UBA2: variants seen among roughly 807,000 people sequenced by gnomAD.
The protein encoded by UBA2 is ubiquitin like modifier activating enzyme 2.
UBA2 carries 11 observed loss-of-function variants against 77.2 expected under a neutral mutation model. The observed-to-expected ratio is 0.14, with a 90% CI of 0.09 to 0.24. The LOEUF (loss-of-function observed/expected upper bound fraction) is 0.24. Among genes scored for constraint, UBA2 ranks in the 10% least tolerant of loss-of-function variants. UBA2 has a pLI of 1.00. For missense variants in UBA2, 487 were observed against 781.7 expected, an observed-to-expected ratio of 0.62 and a Z score of 4.50; for synonymous variants, 278 against 276.7, an observed-to-expected ratio of 1.00 and a Z score of -0.05.
rs1555730537 is a variant in UBA2, at chr19:34,456,104, T to TC, written c.1245+1548_1245+1549insC. Among the ~76,000 whole-genome samples the TC allele has an allele frequency of 3.9e-3, 158 of 40,656 alleles. 5 individuals carry two copies. Among genetic ancestry groups the TC allele is most frequent in the African/African-American group, 9.2e-3 (144 of 15,642 alleles). 26.7% of individuals were successfully genotyped at this position (40,656 alleles called of 152,430 possible). ...ATGCGCTCTTTTTTTCCTTTTCTTT[T>TC]TCTTTTTTTTTTTTTTTTTTGAGGT... On this transcript the variant is annotated intron_variant, in intron 12 of 16. Coordinates refer to ENST00000246548, the MANE Select transcript of UBA2 (RefSeq NM_005499.3).
chr19:34,456,941 T>C (rs1005334570), intron 12 of UBA2, among the ~76,000 whole-genome samples: 1 of 151,730 alleles, frequency 6.6e-6, no homozygotes, highest in East Asian at 1.9e-4. Flanking sequence ...CCAACAGTAC[T>C]AATTACTGAA....
intron 13 of UBA2, among the ~76,000 whole-genome samples, chr19:34,459,369 T>C (rs62123398): frequency 0.15 from 23,365 of 152,214 alleles, 2,197 homozygotes; most frequent in Non-Finnish European, 0.21. Context: ...TATAAGTAAC[T>C]TGCAGAGTTT....
At chr19:34,432,583 G>A (rs898056488) in intron 3 of UBA2, among the ~76,000 whole-genome samples, 2 of 152,016 alleles carry the variant, frequency 1.3e-5, no homozygotes, top group African/African-American at 4.8e-5. Flanking sequence ...GTGAGATAGG[G>A]TTTTGCGCTT....
At chr19:34,453,066 A>G (rs2075519347) in intron 10 of UBA2, among the ~76,000 whole-genome samples, 1 of 152,188 alleles carries the variant, frequency 6.6e-6, no homozygotes, top group Non-Finnish European at 1.5e-5. Flanking sequence ...TCCACATGTA[A>G]TGGGTGTGAT....
At chr19:34,438,847 G>C in intron 6 of UBA2, 81 bp downstream of exon 6, 1 of 1,531,274 alleles carries the variant, frequency 6.5e-7, no homozygotes, top group Admixed American at 1.9e-5. Context: ...ACCTTGAAGA[G>C]ATTGAACTCA....
chr19:34,438,520 T>C, intron 5 of UBA2, 125 bp from the exon 6 acceptor site: 5 of 1,209,262 alleles, frequency 4.1e-6, no homozygotes, highest in Non-Finnish European at 5.8e-6. Context: ...GTCACTAATA[T>C]TTTAAAATTT....
At position 34,431,944 on chromosome 19, in the gene UBA2, G is replaced by A. The variant is rs755869466; in HGVS notation, c.293+13G>A. The A allele has an allele frequency of 3.3e-6, 5 of 1,537,760 alleles. No individual in the cohort carries two copies. In the African/African-American group the frequency reaches 9.6e-5, roughly 29 times the overall value. On this transcript the variant is annotated intron_variant, in intron 3 of 16. Coordinates refer to ENST00000246548, the MANE Select transcript of UBA2 (RefSeq NM_005499.3). ...ACAGCATCATGAAGTATGCTATAGT[G>A]ATTACATTGCAAAGTTGTATAAGGG...
chr19:34,458,740 G>A (rs765118876), intron 12 of UBA2, 29 bp from the exon 13 acceptor site: 27 of 1,594,330 alleles, frequency 1.7e-5, no homozygotes, highest in Middle Eastern at 1.7e-4. Context: ...GCACGTTTCC[G>A]ATTTCTGCCT....
At chr19:34,433,126 T>A in intron 3 of UBA2, 1 of 461,914 alleles carries the variant, frequency 2.2e-6, no homozygotes, top group South Asian at 3.1e-5. Context: ...GATCTTTCTC[T>A]TGTGCCCTAG....
intron 10 of UBA2, among the ~76,000 whole-genome samples, chr19:34,452,404 C>T (rs764958220): frequency 7.9e-5 from 12 of 152,054 alleles, no homozygotes; most frequent in Non-Finnish European, 1.8e-4. Context: ...AGAAAAATAA[C>T]GTGAATATAT....
intron 8 of UBA2, among the ~76,000 whole-genome samples, chr19:34,449,388 T>C (rs2075468129): frequency 6.6e-6 from 1 of 151,718 alleles, no homozygotes. Flanking sequence ...CTCAAGGCTT[T>C]GTGATATTCA....
intron 12 of UBA2, 188 bp from the exon 13 acceptor site, chr19:34,458,581 A>C (rs2075597202): frequency 2.7e-6 from 1 of 373,528 alleles, no homozygotes; most frequent in African/African-American, 2.2e-5. Flanking sequence ...AAAAAAAAAA[A>C]AAAAAAAAAA....
chr19:34,461,885 A>G (rs975836388), intron 14 of UBA2, among the ~76,000 whole-genome samples: 1 of 152,172 alleles, frequency 6.6e-6, no homozygotes, highest in Non-Finnish European at 1.5e-5. Flanking sequence ...AGGGGGAGTA[A>G]TAGGAGAGGG....
chr19:34,447,339 T>C (rs112929874), intron 8 of UBA2, among the ~76,000 whole-genome samples: 2 of 152,254 alleles, frequency 1.3e-5, no homozygotes, highest in African/African-American at 4.8e-5. Flanking sequence ...GGCAACACCC[T>C]CACACACACA....
intron 12 of UBA2, among the ~76,000 whole-genome samples, chr19:34,457,057 G>A (rs115482441): frequency 0.01 from 1,519 of 149,354 alleles, 27 homozygotes; most frequent in African/African-American, 0.035. Flanking sequence ...GGCCGGGCAC[G>A]ATGGCTCACA....
At chr19:34,445,205 G>C (rs1334145864) in intron 8 of UBA2, 84 bp downstream of exon 8, 2 of 1,400,664 alleles carry the variant, frequency 1.4e-6, no homozygotes, top group Non-Finnish European at 9.7e-7. Context: ...TTTTAAAATA[G>C]TCCATAAAAT....
In UBA2 at chr19:34,434,985, T is replaced by G; in HGVS notation, c.459+17T>G. 1 of 1,504,962 alleles carries G rather than the reference T, an allele frequency of 6.6e-7. No individual in the cohort carries two copies. The highest frequency in any genetic ancestry group is 1.4e-5 in the African/African-American group (1 of 71,806). The allele number at this position is 1,504,962 out of a possible 1,614,324, so 93.2% of individuals were successfully genotyped here. A position where few individuals can be genotyped will look rare whatever the true frequency, so the allele number is the denominator to read the frequency against. On this transcript the variant is annotated intron_variant, in intron 5 of 16. Coordinates refer to ENST00000246548, the MANE Select transcript of UBA2 (RefSeq NM_005499.3). ...ATCAAAAAGGTAAAGAAAAGTTTTA[T>G]TTTTTTAACTTCCCAAATATTTATT...
chr19:34,437,719 G>A (rs927622950), intron 5 of UBA2, among the ~76,000 whole-genome samples: 6 of 152,056 alleles, frequency 3.9e-5, no homozygotes, highest in African/African-American at 1.4e-4. Flanking sequence ...CTTCTTCCAA[G>A]GCATAAATTC....
intron 12 of UBA2, among the ~76,000 whole-genome samples, chr19:34,457,822 T>A (rs2075585049): frequency 6.6e-6 from 1 of 152,264 alleles, no homozygotes; most frequent in African/African-American, 2.4e-5. Context: ...TAAACTTTAG[T>A]AGAAGCAGGA....
Sources: gnomAD v4.1 joint callset for allele counts (sites outside exome capture counted in the v4.1 genomes callset) on GRCh38, gnomAD v4.1.1 for gene constraint, MANE v1.5 for transcripts, NCBI Gene and HGNC (gene_info 2026-07-23, HGNC 2026-07-21) for gene names.